Variants in ITGB3BP observed in about 807,000 individuals in gnomAD.
The protein encoded by ITGB3BP is integrin subunit beta 3 binding protein, also known as centromere protein R.
A neutral mutation model predicts 29.1 loss-of-function variants in ITGB3BP; 27 were observed. The observed-to-expected ratio is 0.93, with a 90% CI of 0.68 to 1.28. The LOEUF is 1.28. Among genes scored for constraint, ITGB3BP ranks in the 50% most tolerant of loss-of-function variants. The probability of loss-of-function intolerance (pLI) is 0.00; values close to 1 mark genes in which losing one functional copy is unlikely to be tolerated. For missense variants in ITGB3BP, 192 were observed against 200.2 expected (o/e 0.96, Z 0.25); for synonymous variants, 61 against 61.4 (o/e 0.99, Z 0.03).
intron 4 of ITGB3BP, among the ~76,000 whole-genome samples, chr1:63,476,231 T>C (rs573440853): frequency 6.6e-6 from 1 of 151,460 alleles, no homozygotes; most frequent in Admixed American, 6.6e-5. Context: ...TGGCACGATA[T>C]CAACTCACTG....
At chr1:63,452,365 A>G (rs921381045) in intron 7 of ITGB3BP, among the ~76,000 whole-genome samples, 2 of 152,266 alleles carry the variant, frequency 1.3e-5, no homozygotes, top group East Asian at 1.9e-4. Context: ...TTGGTGTAGA[A>G]TATATAGAAG....
chr1:63,472,768 C>T (rs1224151839), intron 4 of ITGB3BP, among the ~76,000 whole-genome samples: 1 of 151,704 alleles, frequency 6.6e-6, no homozygotes, highest in African/African-American at 2.4e-5. Context: ...GAGTCTCGTT[C>T]ACTCAGTGCT....
At chr1:63,506,149 A>G (rs778076384) in intron 2 of ITGB3BP, among the ~76,000 whole-genome samples, 33 of 152,152 alleles carry the variant, frequency 2.2e-4, no homozygotes, top group Non-Finnish European at 4.0e-4. Context: ...GTGGGAGTCT[A>G]AGTCTCTTTC....
At chr1:63,521,259 T>TAAAAA (rs11451867) in intron 1 of ITGB3BP, among the ~76,000 whole-genome samples, 1 of 130,000 alleles carries the variant, frequency 7.7e-6, no homozygotes. Flanking sequence ...GTAACCACAT[T>TAAAAA]AAAAAAAAAA....
Position 63,515,433 on chromosome 1 carries a change from C to T in ITGB3BP, c.6-6863G>A, listed in dbSNP as rs796325279. Among the ~76,000 whole-genome samples the T allele has an allele frequency of 2.6e-5, 4 of 151,934 alleles. No individual in the cohort carries two copies. The East Asian group carries it at 7.7e-4, about 29-fold the overall frequency. On this transcript the variant is annotated intron_variant, in intron 1 of 8. Coordinates refer to ENST00000271002, the MANE Select transcript of ITGB3BP (RefSeq NM_014288.5). ...ATACTCCAACTTCATTCTTTTTTTT[C>T]AAAATTGTTTTGGCTACTGCAAGTC...
intron 2 of ITGB3BP, among the ~76,000 whole-genome samples, chr1:63,502,746 C>G (rs1013613870): frequency 1.3e-5 from 2 of 148,246 alleles, no homozygotes; most frequent in African/African-American, 2.5e-5. Context: ...TTCCCACCTA[C>G]GAGTGAGAAC....
intron 8 of ITGB3BP, among the ~76,000 whole-genome samples, chr1:63,445,051 G>A (rs1018790154): frequency 3.3e-5 from 5 of 152,066 alleles, no homozygotes; most frequent in African/African-American, 1.2e-4. Flanking sequence ...TTGGGAGGCC[G>A]AGGCAGGCAG....
chr1:63,521,113 C>T (rs373451866), intron 1 of ITGB3BP, among the ~76,000 whole-genome samples: 43 of 152,146 alleles, frequency 2.8e-4, no homozygotes, highest in African/African-American at 9.6e-4. Flanking sequence ...CACACCCTCC[C>T]GTAAGTTATA....
chr1:63,499,026 G>A (rs1403494548), intron 2 of ITGB3BP, among the ~76,000 whole-genome samples: 1 of 152,088 alleles, frequency 6.6e-6, no homozygotes, highest in Non-Finnish European at 1.5e-5. Flanking sequence ...AACATACCAG[G>A]ATTGAATTAT....
At chr1:63,514,055 C>T (rs999531104) in intron 1 of ITGB3BP, among the ~76,000 whole-genome samples, 3 of 152,132 alleles carry the variant, frequency 2.0e-5, no homozygotes, top group East Asian at 1.9e-4. Flanking sequence ...ATAATCTATA[C>T]CATACACAAC....
chr1:63,523,177 C>T lies in ITGB3BP; in HGVS notation c.-44G>A, dbSNP rs778964347. 1.2e-6 allele frequency: 2 copies of T among 1,613,174 alleles called. No individual in the cohort carries two copies. The highest frequency in any genetic ancestry group is 1.3e-5 in the African/African-American group (1 of 74,978). ...ACCACTGCCGCTGAATAAAACGAAC[C>T]CAGCAACTTCCGAAAACAGAAAATC... On this transcript the variant is annotated 5_prime_UTR_variant, in exon 1 of 9. Coordinates refer to ENST00000271002, the MANE Select transcript of ITGB3BP (RefSeq NM_014288.5).
chr1:63,524,303 A>C (rs1646538615), upstream of ITGB3BP, among the ~76,000 whole-genome samples: 1 of 152,220 alleles, frequency 6.6e-6, no homozygotes, highest in Non-Finnish European at 1.5e-5. Context: ...TAGAACTCTG[A>C]TGCTTAATTA....
chr1:63,492,877 G>A (rs1007967510), intron 2 of ITGB3BP, among the ~76,000 whole-genome samples: 1 of 152,174 alleles, frequency 6.6e-6, no homozygotes, highest in African/African-American at 2.4e-5. Flanking sequence ...GGGAAGCCAA[G>A]GTGGGAGGAT....
In ITGB3BP at chr1:63,469,329, A is replaced by AT. The variant is rs776273890; in HGVS notation, c.254+9434dup. On this transcript the variant is annotated intron_variant, in intron 4 of 8. Coordinates refer to ENST00000271002, the MANE Select transcript of ITGB3BP (RefSeq NM_014288.5). ...TTGACCATAAATTATTATTATTATT[A>AT]TTTTTTTTTTTTTTGAGACAGAGTC... Among the ~76,000 whole-genome samples, 255 of 149,632 alleles carry AT rather than the reference A, an allele frequency of 1.7e-3. 2 individuals carry two copies. Among genetic ancestry groups the AT allele is most frequent in the East Asian group, 0.016 (80 of 5,092 alleles).
upstream of ITGB3BP, chr1:63,525,803 G>GT: frequency 7.4e-7 from 1 of 1,344,716 alleles, no homozygotes; most frequent in Non-Finnish European, 1.0e-6. Flanking sequence ...TTTGTTGAAA[G>GT]TTAATAAATA....
At chr1:63,505,527 T>C (rs905155460) in intron 2 of ITGB3BP, among the ~76,000 whole-genome samples, 4 of 152,202 alleles carry the variant, frequency 2.6e-5, no homozygotes, top group Admixed American at 2.6e-4. Flanking sequence ...TCTGCTCTGA[T>C]CTTAGGTATT....
At chr1:63,478,210 G>T (rs1312431563) in intron 4 of ITGB3BP, among the ~76,000 whole-genome samples, 2 of 152,166 alleles carry the variant, frequency 1.3e-5, no homozygotes, top group African/African-American at 4.8e-5. Context: ...GTCATTGGTT[G>T]AATCCACAAA....
At chr1:63,477,176 T>G (rs1645354763) in intron 4 of ITGB3BP, among the ~76,000 whole-genome samples, 1 of 152,194 alleles carries the variant, frequency 6.6e-6, no homozygotes, top group African/African-American at 2.4e-5. Flanking sequence ...ACTCTTCTCT[T>G]TGTCCCTAAA....
chr1:63,514,457 A>C (rs1396763858), intron 1 of ITGB3BP, among the ~76,000 whole-genome samples: 2 of 152,194 alleles, frequency 1.3e-5, no homozygotes, highest in African/African-American at 4.8e-5. Context: ...AGAAACTGCC[A>C]AAATGTCTAG....
Sources: allele counts gnomAD v4.1 joint callset (sites outside exome capture counted in the v4.1 genomes callset), GRCh38; gene constraint gnomAD v4.1.1; transcripts MANE v1.5; gene names NCBI Gene and HGNC (gene_info 2026-07-23, HGNC 2026-07-21).